Variants in GRIN2A observed in about 807,000 individuals in gnomAD.
GRIN2A encodes glutamate ionotropic receptor NMDA type subunit 2A.
Under a neutral mutation model 113.4 loss-of-function variants are expected in GRIN2A, and 22 were observed. The observed-to-expected ratio is 0.19, with a 90% CI of 0.14 to 0.28. The LOEUF is 0.28. Among genes scored for constraint, GRIN2A ranks in the 10% least tolerant of loss-of-function variants. GRIN2A has a pLI of 1.00. For missense variants in GRIN2A, 1,502 were observed against 1,887.0 expected (o/e 0.80, Z 3.78); for synonymous variants, 827 against 738.4 (o/e 1.12, Z -1.94).
intron 3 of GRIN2A, among the ~76,000 whole-genome samples, chr16:9,907,417 A>G (rs1596568232): frequency 6.6e-6 from 1 of 152,180 alleles, no homozygotes; most frequent in African/African-American, 2.4e-5. Context: ...TCCGAAACCC[A>G]AAACTACAGA....
chr16:9,905,301 C>G (rs1000363054), intron 3 of GRIN2A, among the ~76,000 whole-genome samples: 1 of 152,196 alleles, frequency 6.6e-6, no homozygotes, highest in Non-Finnish European at 1.5e-5. Context: ...CCTGACCCAT[C>G]AGAATACTGG....
At chr16:10,003,013 C>G (rs1237957) in intron 2 of GRIN2A, among the ~76,000 whole-genome samples, 133,335 of 152,280 alleles carry the variant, frequency 0.88, 58,902 homozygotes, top group African/African-American at 0.95. Flanking sequence ...GAAAAATCTG[C>G]CATATTGCTG....
rs559501558 is a variant in GRIN2A, at chr16:9,842,979, G to A, written c.1329-1875C>T. Reference sequence around the variant, plus strand: ...AGAGAGAGAGAGAGAGAGGAAGAAAGAAAGAAAGAAAGAAAGAGAGAAACA... The same window carrying A: ...AGAGAGAGAGAGAGAGAGGAAGAAAAAAAGAAAGAAAGAAAGAGAGAAACA... On this transcript the variant is annotated intron_variant, in intron 5 of 12. Coordinates refer to ENST00000330684, the MANE Select transcript of GRIN2A (RefSeq NM_001134407.3). 2.2e-5 allele frequency among the ~76,000 whole-genome samples: 3 copies of A among 136,876 alleles called. No individual in the cohort carries two copies. The East Asian group carries it at 6.1e-4, about 28-fold the overall frequency. 89.8% of individuals were successfully genotyped at this position (136,876 alleles called of 152,430 possible).
chr16:9,928,161 G>A (rs1223000119), intron 3 of GRIN2A, among the ~76,000 whole-genome samples: 5 of 152,166 alleles, frequency 3.3e-5, no homozygotes, highest in East Asian at 3.9e-4. Context: ...GAACCTGGAC[G>A]GGGGCTCATT....
chr16:9,958,947 T>A (rs766094336), intron 2 of GRIN2A, among the ~76,000 whole-genome samples: 1 of 151,672 alleles, frequency 6.6e-6, no homozygotes, highest in Non-Finnish European at 1.5e-5. Flanking sequence ...TACAGAGGAG[T>A]TGGTAGGGAA....
At chr16:9,779,442 T>C (rs1269545830) in intron 11 of GRIN2A, among the ~76,000 whole-genome samples, 1 of 152,148 alleles carries the variant, frequency 6.6e-6, no homozygotes, top group African/African-American at 2.4e-5. Context: ...GTATTCCCCA[T>C]TGCTTAGTAT....
intron 2 of GRIN2A, among the ~76,000 whole-genome samples, chr16:9,946,027 C>T (rs1480246248): frequency 6.6e-6 from 1 of 152,092 alleles, no homozygotes; most frequent in East Asian, 1.9e-4. Flanking sequence ...TCTTGATTCT[C>T]GTTGCAGCTG....
chr16:10,058,351 T>C (rs1316361145), intron 2 of GRIN2A, among the ~76,000 whole-genome samples: 2 of 152,142 alleles, frequency 1.3e-5, no homozygotes, highest in Non-Finnish European at 2.9e-5. Context: ...AAACAAATTA[T>C]ATCAAAATAC....
intron 2 of GRIN2A, among the ~76,000 whole-genome samples, chr16:9,990,389 G>C (rs2046078447): frequency 6.6e-6 from 1 of 152,058 alleles, no homozygotes; most frequent in Non-Finnish European, 1.5e-5. Flanking sequence ...AAAGGGAGGA[G>C]GGAGGGAGGG....
intron 2 of GRIN2A, among the ~76,000 whole-genome samples, chr16:10,017,055 TC>T (rs2046624004): frequency 6.6e-6 from 1 of 152,182 alleles, no homozygotes; most frequent in South Asian, 2.1e-4. Context: ...CCTCTTTCTG[TC>T]CTCTGAAGAG....
intron 2 of GRIN2A, among the ~76,000 whole-genome samples, chr16:10,034,576 C>T (rs1454627032): frequency 8.3e-6 from 1 of 120,526 alleles, no homozygotes; most frequent in Admixed American, 9.5e-5. Context: ...TGGCTCAGAA[C>T]TGATGGAGCC....
intron 2 of GRIN2A, among the ~76,000 whole-genome samples, chr16:9,941,264 A>C (rs757570378): frequency 5.3e-5 from 8 of 152,328 alleles, no homozygotes; most frequent in South Asian, 4.1e-4. Context: ...GGGATCCTCC[A>C]ACACCCTTGC....
intron 2 of GRIN2A, among the ~76,000 whole-genome samples, chr16:10,041,571 T>A (rs1279010270): frequency 6.6e-6 from 1 of 152,162 alleles, no homozygotes; most frequent in Non-Finnish European, 1.5e-5. Context: ...CCTAGCTACA[T>A]GGTCTCACGG....
chr16:10,157,478 G>T (rs1010829067), intron 2 of GRIN2A, among the ~76,000 whole-genome samples: 1 of 152,136 alleles, frequency 6.6e-6, no homozygotes, highest in African/African-American at 2.4e-5. Flanking sequence ...TACCAGAGAC[G>T]GGTAATTTAT....
rs181817328 is a variant in GRIN2A, at chr16:10,040,458, T to A, written c.415-101907A>T. Among the ~76,000 whole-genome samples, 785 of 142,292 alleles carry A rather than the reference T, an allele frequency of 5.5e-3. 12 individuals are homozygous for A. Among genetic ancestry groups the A allele is most frequent in the African/African-American group, 0.02 (753 of 37,622 alleles). The allele number at this position is 142,292 out of a possible 152,430, so 93.3% of individuals were successfully genotyped here. On this transcript the variant is annotated intron_variant, in intron 2 of 12. Transcript: ENST00000330684. ...ACATGAACACAGTCACAAATATAAA[T>A]CCACGCCACACACAAATACATGAAC...
chr16:10,155,110 T>G (rs2049662454), intron 2 of GRIN2A, among the ~76,000 whole-genome samples: 1 of 152,150 alleles, frequency 6.6e-6, no homozygotes, highest in Non-Finnish European at 1.5e-5. Flanking sequence ...GGCTTAAACT[T>G]TTTTCTGTAG....
intron 2 of GRIN2A, among the ~76,000 whole-genome samples, chr16:10,060,809 G>A (rs1482122045): frequency 6.6e-6 from 1 of 152,148 alleles, no homozygotes; most frequent in Non-Finnish European, 1.5e-5. Context: ...CTCTTTACGA[G>A]TGCAAGCTAT....
chr16:9,761,346 T>G lies in GRIN2A; in HGVS notation c.*1803A>C, dbSNP rs1044641479. 1.3e-5 allele frequency: 3 copies of G among 229,462 alleles called. No individual in the cohort carries two copies. Among genetic ancestry groups the G allele is most frequent in the African/African-American group, 4.4e-5 (2 of 45,132 alleles). The allele number at this position is 229,462 out of a possible 1,614,324, so 14.2% of individuals were successfully genotyped here. A position where few individuals can be genotyped will look rare whatever the true frequency, so the allele number is the denominator to read the frequency against. On this transcript the variant is annotated 3_prime_UTR_variant, in exon 13 of 13. Coordinates refer to ENST00000330684, the MANE Select transcript of GRIN2A (RefSeq NM_001134407.3). ...ATTTTTCAACCTGCCACTTTATCCC[T>G]TTCTTCAAGAATGTAAAGCAGAATG...
chr16:9,760,133 T>C lies in GRIN2A; in HGVS notation c.*3016A>G, dbSNP rs1344241130. 1 of 224,978 alleles carries C rather than the reference T, an allele frequency of 4.4e-6. No homozygotes were observed. The highest frequency in any genetic ancestry group is 8.9e-6 in the Non-Finnish European group (1 of 112,948). 13.9% of individuals were successfully genotyped at this position (224,978 alleles called of 1,614,324 possible). A position where few individuals can be genotyped will look rare whatever the true frequency, so the allele number is the denominator to read the frequency against. ...TTTGTGTTCAGAAATTTGGGCTCCT[T>C]GACATCAACAAATCTAAGAACTCAG... On this transcript the variant is annotated 3_prime_UTR_variant, in exon 13 of 13. Coordinates refer to ENST00000330684, the MANE Select transcript of GRIN2A (RefSeq NM_001134407.3).
Sources: gnomAD v4.1 joint callset for allele counts (sites outside exome capture counted in the v4.1 genomes callset) on GRCh38, gnomAD v4.1.1 for gene constraint, MANE v1.5 for transcripts, NCBI Gene and HGNC (gene_info 2026-07-23, HGNC 2026-07-21) for gene names.